Variants in EBF1 observed in about 807,000 individuals in gnomAD.
EBF1 encodes EBF transcription factor 1.
A neutral mutation model predicts 68.4 loss-of-function variants in EBF1; 10 were observed. The ratio of observed to expected loss-of-function variants is 0.15; its 90% CI spans 0.09 to 0.25. The LOEUF (loss-of-function observed/expected upper bound fraction) is 0.25, where lower values mean the gene tolerates loss of function less well. Among genes scored for constraint, EBF1 ranks in the 10% least tolerant of loss-of-function variants. EBF1 has a pLI of 1.00. For missense variants in EBF1, 509 were observed against 794.4 expected, an observed-to-expected ratio of 0.64 and a Z score of 4.32; for synonymous variants, 298 against 299.8, an observed-to-expected ratio of 0.99 and a Z score of 0.06.
At position 158,696,386 on chromosome 5, in the gene EBF1, CT is replaced by C. The variant is rs1213843851; in HGVS notation, c.*2724del. 1.4e-5 allele frequency: 3 copies of C among 221,894 alleles called. No individual in the cohort carries two copies. The Admixed American group carries it at 1.7e-4, about 13-fold the overall frequency. 13.7% of individuals were successfully genotyped at this position (221,894 alleles called of 1,614,324 possible). ...ACAAATTATACACATTTTAAAGGCT[CT>C]TTGGACTTTCAAGAAGAGTTCTAAC... On this transcript the variant is annotated 3_prime_UTR_variant, in exon 16 of 16. Coordinates refer to ENST00000313708, the MANE Select transcript of EBF1 (RefSeq NM_024007.5).
At chr5:158,819,075 C>T (rs1784320262) in intron 8 of EBF1, among the ~76,000 whole-genome samples, 1 of 151,668 alleles carries the variant, frequency 6.6e-6, no homozygotes. Context: ...CTCCAAAAGC[C>T]CAAAAAGGGG....
At chr5:159,082,742 G>A (rs1779952756) in intron 5 of EBF1, among the ~76,000 whole-genome samples, 2 of 152,140 alleles carry the variant, frequency 1.3e-5, no homozygotes, top group Admixed American at 1.3e-4. Flanking sequence ...AGGCAGCCAG[G>A]AAAACCCGTA....
intron 8 of EBF1, among the ~76,000 whole-genome samples, chr5:158,816,765 A>G (rs1783832100): frequency 6.6e-6 from 1 of 152,194 alleles, no homozygotes; most frequent in South Asian, 2.1e-4. Context: ...CACTTACGAA[A>G]AACTAAATCA....
intron 6 of EBF1, among the ~76,000 whole-genome samples, chr5:158,930,786 C>T (rs866416877): frequency 2.2e-4 from 33 of 152,264 alleles, no homozygotes; most frequent in Admixed American, 8.5e-4. Context: ...AGTAATTTAT[C>T]CCAGGTCAGA....
chr5:158,780,573 T>C (rs931181543), intron 9 of EBF1, among the ~76,000 whole-genome samples: 1 of 152,138 alleles, frequency 6.6e-6, no homozygotes, highest in African/African-American at 2.4e-5. Flanking sequence ...AAAACTGATA[T>C]CAACTGCAAA....
chr5:158,715,837 C>G (rs747839283), intron 11 of EBF1, among the ~76,000 whole-genome samples: 1 of 152,152 alleles, frequency 6.6e-6, no homozygotes, highest in African/African-American at 2.4e-5. Context: ...CTTTATCTGG[C>G]TCTTAGGAAA....
At chr5:159,099,311 C>T in intron 1 of EBF1, 34 bp downstream of exon 1, 1 of 1,471,050 alleles carries the variant, frequency 6.8e-7, no homozygotes. Flanking sequence ...CCGCTCGCGG[C>T]TCACCTCGGC....
Position 158,974,496 on chromosome 5 carries a change from T to C in EBF1, c.554+98900A>G, listed in dbSNP as rs77855818. Among the ~76,000 whole-genome samples the C allele has an allele frequency of 6.3e-3, 958 of 152,282 alleles. 7 individuals carry two copies. Among genetic ancestry groups the C allele is most frequent in the African/African-American group, 0.021 (890 of 41,560 alleles). ...TTTATTGGTGAGAAAAAAATCCTCA[T>C]TGGAAACATACACGGCTTCGAGATG... On this transcript the variant is annotated intron_variant, in intron 6 of 15. Coordinates refer to ENST00000313708, the MANE Select transcript of EBF1 (RefSeq NM_024007.5).
chr5:159,092,308 C>T (rs1175481102), intron 4 of EBF1, among the ~76,000 whole-genome samples: 4 of 152,198 alleles, frequency 2.6e-5, no homozygotes, highest in African/African-American at 9.7e-5. Flanking sequence ...TTTTGAACAA[C>T]CCTTCCCAAA....
At chr5:159,097,199 A>G (rs1173348751) in intron 1 of EBF1, 69 bp from the exon 2 acceptor site, 10 of 1,508,552 alleles carry the variant, frequency 6.6e-6, no homozygotes, top group Non-Finnish European at 6.2e-6. Context: ...CACCCTGTAC[A>G]CACACTCGAA....
At chr5:158,910,569 T>G (rs1805743807) in intron 6 of EBF1, among the ~76,000 whole-genome samples, 1 of 152,230 alleles carries the variant, frequency 6.6e-6, no homozygotes, top group South Asian at 2.1e-4. Context: ...GATGATTTTT[T>G]TAAACTACAT....
intron 6 of EBF1, among the ~76,000 whole-genome samples, chr5:158,976,128 T>G (rs921449941): frequency 1.3e-5 from 2 of 152,218 alleles, no homozygotes; most frequent in African/African-American, 4.8e-5. Flanking sequence ...ATGTAACACA[T>G]GAGTTAGGCT....
At chr5:158,837,566 C>A (rs1035257064) in intron 7 of EBF1, among the ~76,000 whole-genome samples, 3 of 152,154 alleles carry the variant, frequency 2.0e-5, no homozygotes, top group Non-Finnish European at 4.4e-5. Flanking sequence ...ATCTCAGCAG[C>A]CTTTCTACTA....
chr5:158,982,616 G>T (rs914773562), intron 6 of EBF1, among the ~76,000 whole-genome samples: 2 of 152,020 alleles, frequency 1.3e-5, no homozygotes, highest in Non-Finnish European at 2.9e-5. Flanking sequence ...TGTTGACAAG[G>T]CATTCACAGT....
At chr5:158,989,836 T>C (rs1478225174) in intron 6 of EBF1, among the ~76,000 whole-genome samples, 1 of 152,190 alleles carries the variant, frequency 6.6e-6, no homozygotes, top group East Asian at 1.9e-4. Flanking sequence ...CAATATCCGT[T>C]GACTGCCTGA....
intron 4 of EBF1, among the ~76,000 whole-genome samples, chr5:159,086,884 C>A (rs528740439): frequency 5.3e-5 from 8 of 152,096 alleles, no homozygotes; most frequent in South Asian, 4.1e-4. Flanking sequence ...TCTTAAAAGA[C>A]CTTTTCAAAA....
At chr5:159,099,244 G>T (rs1783198329) in intron 1 of EBF1, 101 bp downstream of exon 1, 13 of 1,012,190 alleles carry the variant, frequency 1.3e-5, no homozygotes, top group Non-Finnish European at 1.6e-5. Context: ...TCACCCCGCC[G>T]CCCGGCCCCG....
intron 6 of EBF1, among the ~76,000 whole-genome samples, chr5:159,056,957 G>A (rs144128764): frequency 6.6e-6 from 1 of 152,062 alleles, no homozygotes; most frequent in South Asian, 2.1e-4. Context: ...TTTGTCGCAC[G>A]GTGTTATATG....
chr5:158,701,971 A>G (rs973779018), intron 15 of EBF1, among the ~76,000 whole-genome samples: 3 of 152,202 alleles, frequency 2.0e-5, no homozygotes, highest in Non-Finnish European at 4.4e-5. Flanking sequence ...CTACTTGGGC[A>G]AGACAGCATG....
Sources: allele counts gnomAD v4.1 joint callset (sites outside exome capture counted in the v4.1 genomes callset), GRCh38; gene constraint gnomAD v4.1.1; transcripts MANE v1.5; gene names NCBI Gene and HGNC (gene_info 2026-07-23, HGNC 2026-07-21).